ITGBL1: variants seen among roughly 807,000 people sequenced by gnomAD.
ITGBL1 encodes the protein integrin subunit beta like 1.
Under a neutral mutation model 68.5 loss-of-function variants are expected in ITGBL1, and 51 were observed. That is an observed-to-expected ratio of 0.74 (90% CI 0.59 to 0.94). The LOEUF (loss-of-function observed/expected upper bound fraction) is 0.94. Ranked by LOEUF, ITGBL1 falls within the 40% of genes least tolerant of loss-of-function variation. The pLI is 0.00. For missense variants in ITGBL1, 649 were observed against 647.4 expected, an observed-to-expected ratio of 1.00 and a Z score of -0.03; for synonymous variants, 209 against 227.3, an observed-to-expected ratio of 0.92 and a Z score of 0.72.
intron 2 of ITGBL1, among the ~76,000 whole-genome samples, chr13:101,534,369 ATAGG>A (rs1433379235): frequency 6.6e-6 from 1 of 152,184 alleles, no homozygotes; most frequent in Non-Finnish European, 1.5e-5. Flanking sequence ...AGAAGAAGAA[ATAGG>A]TAGGAATGGT....
chr13:101,576,630 A>G (rs1299432124), intron 4 of ITGBL1, among the ~76,000 whole-genome samples: 1 of 152,162 alleles, frequency 6.6e-6, no homozygotes, highest in African/African-American at 2.4e-5. Flanking sequence ...GAGAACCCTG[A>G]GAAACTGTGG....
chr13:101,455,021 A>C (rs1231566924), intron 2 of ITGBL1, among the ~76,000 whole-genome samples: 1 of 152,200 alleles, frequency 6.6e-6, no homozygotes, highest in East Asian at 1.9e-4. Context: ...GTGTCGTTTT[A>C]CTTAAGGCCA....
intron 7 of ITGBL1, among the ~76,000 whole-genome samples, chr13:101,602,458 A>G (rs1031751578): frequency 6.6e-6 from 1 of 152,060 alleles, no homozygotes; most frequent in African/African-American, 2.4e-5. Flanking sequence ...CTTTTGAAGA[A>G]GTCGTAATTG....
intron 7 of ITGBL1, among the ~76,000 whole-genome samples, chr13:101,677,917 G>GATGCTAAAA (rs1379216668): frequency 1.3e-5 from 2 of 152,138 alleles, no homozygotes; most frequent in African/African-American, 4.8e-5. Context: ...TCCCGAATAT[G>GATGCTAAAA]ATGCTAAAAA....
At chr13:101,605,326 GTA>G (rs61728049) in intron 7 of ITGBL1, among the ~76,000 whole-genome samples, 137,467 of 139,220 alleles carry the variant, frequency 0.99, 67,959 homozygotes, top group East Asian at 1. Flanking sequence ...ATGCATATGC[GTA>G]TATATATATA....
rs2034702147 is a variant in ITGBL1, at chr13:101,715,946, T to G, written c.*292T>G. ...GGCAACATCTACAGACAATTTTGAT[T>G]GTCACACTGGGTCGGGTAGGAAGGT... On this transcript the variant is annotated 3_prime_UTR_variant, in exon 11 of 11. Transcript: ENST00000376180. The G allele has an allele frequency of 3.0e-6, 1 of 335,662 alleles. No homozygotes were observed. The highest frequency in any genetic ancestry group is 2.1e-5 in the African/African-American group (1 of 46,930). 20.8% of individuals were successfully genotyped at this position (335,662 alleles called of 1,614,324 possible).
intron 2 of ITGBL1, among the ~76,000 whole-genome samples, chr13:101,544,920 A>G (rs1037380231): frequency 3.9e-5 from 6 of 152,198 alleles, no homozygotes; most frequent in Admixed American, 3.3e-4. Flanking sequence ...GTATTAGGAA[A>G]AGTGACCCGA....
At chr13:101,489,820 T>A in intron 2 of ITGBL1, 1 of 596,472 alleles carries the variant, frequency 1.7e-6, no homozygotes. Flanking sequence ...GCGATACTGA[T>A]CAAACTGATA....
At chr13:101,694,317 T>A (rs2033952680) in intron 8 of ITGBL1, among the ~76,000 whole-genome samples, 1 of 152,248 alleles carries the variant, frequency 6.6e-6, no homozygotes, top group African/African-American at 2.4e-5. Context: ...GCAATATGTA[T>A]GTATGTATAT....
intron 7 of ITGBL1, among the ~76,000 whole-genome samples, chr13:101,640,157 A>T (rs28428809): frequency 0.12 from 17,963 of 152,122 alleles, 1,526 homozygotes; most frequent in African/African-American, 0.24. Context: ...ATCAGTGTAC[A>T]CTATTGCTTT....
intron 7 of ITGBL1, among the ~76,000 whole-genome samples, chr13:101,604,956 GTATA>G (rs2030645407): frequency 2.2e-4 from 2 of 9,110 alleles, no homozygotes; most frequent in African/African-American, 1.7e-4. Flanking sequence ...GTGTACATGT[GTATA>G]TGTATATATA....
chr13:101,610,651 G>A (rs1344124162), intron 7 of ITGBL1, among the ~76,000 whole-genome samples: 4 of 152,034 alleles, frequency 2.6e-5, no homozygotes, highest in South Asian at 2.1e-4. Context: ...ATTTGTTTAC[G>A]TATAGCTACT....
intron 2 of ITGBL1, among the ~76,000 whole-genome samples, chr13:101,463,476 T>C (rs981792504): frequency 6.6e-6 from 1 of 152,182 alleles, no homozygotes; most frequent in Non-Finnish European, 1.5e-5. Context: ...TGTACCCTGA[T>C]TTATATGATC....
chr13:101,566,461 C>T (rs2050184395), intron 2 of ITGBL1, among the ~76,000 whole-genome samples: 1 of 151,976 alleles, frequency 6.6e-6, no homozygotes, highest in Non-Finnish European at 1.5e-5. Context: ...AGAATGAATT[C>T]CTAATAAAAT....
intron 7 of ITGBL1, among the ~76,000 whole-genome samples, chr13:101,671,441 T>G (rs796809610): frequency 0.13 from 12,047 of 91,584 alleles, 1,221 homozygotes; most frequent in East Asian, 0.39. Context: ...TTTTTTGTTT[T>G]TTTTTGTTTT....
chr13:101,649,159 G>A (rs2032664090), intron 7 of ITGBL1, among the ~76,000 whole-genome samples: 1 of 152,042 alleles, frequency 6.6e-6, no homozygotes, highest in Non-Finnish European at 1.5e-5. Flanking sequence ...TCACTTTTGT[G>A]GTTCACAGAT....
At position 101,593,291 on chromosome 13, in the gene ITGBL1, A is replaced by G. The variant is rs1194443361; in HGVS notation, c.869-4862A>G. Among the ~76,000 whole-genome samples, 3 of 152,072 alleles carry G rather than the reference A, an allele frequency of 2.0e-5. No homozygotes were observed. The East Asian group carries it at 5.8e-4, about 29-fold the overall frequency. On this transcript the variant is annotated intron_variant, in intron 6 of 10. Coordinates refer to ENST00000376180, the MANE Select transcript of ITGBL1 (RefSeq NM_004791.3). The stretch of plus-strand genomic sequence containing the variant: ...AAACAAATGTTGGCAAGGGAGGTAG[A>G]GAAGAGAACACTGACACACTGTGGG...
In ITGBL1 at chr13:101,606,116, A is replaced by C. The variant is rs866517029; in HGVS notation, c.1015+7817A>C. Among the ~76,000 whole-genome samples, 601 of 139,196 alleles carry C rather than the reference A, an allele frequency of 4.3e-3. 4 individuals carry two copies. The highest frequency in any genetic ancestry group is 0.012 in the African/African-American group (449 of 38,100). The allele number at this position is 139,196 out of a possible 152,430, so 91.3% of individuals were successfully genotyped here. A position where few individuals can be genotyped will look rare whatever the true frequency, so the allele number is the denominator to read the frequency against. On this transcript the variant is annotated intron_variant, in intron 7 of 10. Coordinates refer to ENST00000376180, the MANE Select transcript of ITGBL1 (RefSeq NM_004791.3). The stretch of plus-strand genomic sequence containing the variant: ...ATATATATGCTCTCTCTCTCTCTAT[A>C]TATATATATAGCCTTCACGTGGTCC...
At chr13:101,523,389 G>A (rs1453057098) in intron 2 of ITGBL1, among the ~76,000 whole-genome samples, 1 of 152,162 alleles carries the variant, frequency 6.6e-6, no homozygotes, top group Non-Finnish European at 1.5e-5. Flanking sequence ...ATGTCCTGGA[G>A]CGTGCAGTTC....
Sources: gnomAD v4.1 joint callset for allele counts (sites outside exome capture counted in the v4.1 genomes callset) on GRCh38, gnomAD v4.1.1 for gene constraint, MANE v1.5 for transcripts, NCBI Gene and HGNC (gene_info 2026-07-23, HGNC 2026-07-21) for gene names.